ADGRL3: variants seen among roughly 807,000 people sequenced by gnomAD.
The protein encoded by ADGRL3 is adhesion G protein-coupled receptor L3.
Under a neutral mutation model 153.5 loss-of-function variants are expected in ADGRL3, and 62 were observed. That is an observed-to-expected ratio of 0.40 (90% CI 0.33 to 0.50). The LOEUF is 0.50. Ranked by LOEUF, ADGRL3 falls within the 20% of genes least tolerant of loss-of-function variation. The pLI, the probability that ADGRL3 is intolerant of heterozygous loss-of-function variation, is 0.47. For synonymous variants in ADGRL3, 710 were observed against 672.5 expected (o/e 1.06, Z -0.86); for missense variants, 1,641 against 1,859.4 (o/e 0.88, Z 2.16).
At chr4:62,021,816 T>C in intron 21 of ADGRL3, among the ~76,000 whole-genome samples, 1 of 152,142 alleles carries the variant, frequency 6.6e-6, no homozygotes, top group South Asian at 2.1e-4. Context: ...ACTTAGTCAA[T>C]AAATGTGTGT....
intron 1 of ADGRL3, among the ~76,000 whole-genome samples, chr4:61,214,402 T>C (rs758249639): frequency 1.4e-4 from 21 of 152,244 alleles, no homozygotes; most frequent in Admixed American, 2.6e-4. Flanking sequence ...ATAAAACTTT[T>C]TCTTTACCGT....
chr4:61,253,390 C>T (rs1324880486), intron 1 of ADGRL3, among the ~76,000 whole-genome samples: 1 of 152,128 alleles, frequency 6.6e-6, no homozygotes, highest in Non-Finnish European at 1.5e-5. Context: ...TTGACTGTCT[C>T]AAACCTTTAG....
At chr4:61,719,284 G>C (rs2096188968) in intron 6 of ADGRL3, among the ~76,000 whole-genome samples, 1 of 151,898 alleles carries the variant, frequency 6.6e-6, no homozygotes, top group African/African-American at 2.4e-5. Context: ...CAATACTACA[G>C]AACTAAATCC....
intron 13 of ADGRL3, among the ~76,000 whole-genome samples, chr4:61,920,924 A>G (rs1320396436): frequency 6.6e-6 from 1 of 152,160 alleles, no homozygotes; most frequent in Non-Finnish European, 1.5e-5. Flanking sequence ...TGTGTCTAAC[A>G]CAAGAGGGAT....
intron 1 of ADGRL3, among the ~76,000 whole-genome samples, chr4:61,249,527 A>C (rs867899900): frequency 1.1e-4 from 16 of 148,630 alleles, no homozygotes; most frequent in African/African-American, 4.0e-4. Flanking sequence ...TACCTCATCT[A>C]CATTCCATAT....
At chr4:61,337,500 C>T (rs1304461454) in intron 1 of ADGRL3, among the ~76,000 whole-genome samples, 1 of 152,132 alleles carries the variant, frequency 6.6e-6, no homozygotes. Context: ...CCATTTCCTG[C>T]CCTTCTCAGG....
At chr4:61,224,009 T>C (rs1051436278) in intron 1 of ADGRL3, among the ~76,000 whole-genome samples, 1 of 152,130 alleles carries the variant, frequency 6.6e-6, no homozygotes, top group African/African-American at 2.4e-5. Context: ...AAATTAGAAA[T>C]TTTTTGAAAT....
At chr4:62,045,824 TTAAAA>T (rs1730835845) in intron 25 of ADGRL3, among the ~76,000 whole-genome samples, 1 of 152,010 alleles carries the variant, frequency 6.6e-6, no homozygotes, top group Non-Finnish European at 1.5e-5. Context: ...AGAAAACGTA[TTAAAA>T]TAAAAGAGCT....
chr4:61,746,448 T>C (rs1243309493), intron 8 of ADGRL3, among the ~76,000 whole-genome samples: 1 of 152,062 alleles, frequency 6.6e-6, no homozygotes, highest in Non-Finnish European at 1.5e-5. Context: ...ACTGACCACA[T>C]AGTTGGAAGT....
intron 1 of ADGRL3, among the ~76,000 whole-genome samples, chr4:61,291,993 C>T (rs1024189281): frequency 6.7e-6 from 1 of 150,310 alleles, no homozygotes; most frequent in Non-Finnish European, 1.5e-5. Flanking sequence ...TTTAAAAAGT[C>T]ATGGCATTTT....
At chr4:61,932,653 G>C (rs1286857242) in intron 13 of ADGRL3, among the ~76,000 whole-genome samples, 1 of 152,076 alleles carries the variant, frequency 6.6e-6, no homozygotes, top group East Asian at 1.9e-4. Context: ...TCTAAGTCTG[G>C]CTTTGGTGTC....
chr4:61,894,587 T>G (rs1054285864), intron 10 of ADGRL3, among the ~76,000 whole-genome samples: 5 of 152,144 alleles, frequency 3.3e-5, no homozygotes, highest in African/African-American at 7.2e-5. Context: ...GTGAAACACT[T>G]TATTTGAAAG....
intron 5 of ADGRL3, among the ~76,000 whole-genome samples, chr4:61,639,710 G>C (rs191094991): frequency 8.5e-5 from 13 of 152,248 alleles, no homozygotes; most frequent in African/African-American, 3.1e-4. Flanking sequence ...TTTTTAAATT[G>C]TAGTCTCAGT....
chr4:61,360,898 T>A (rs1578427437), intron 1 of ADGRL3, among the ~76,000 whole-genome samples: 1 of 152,310 alleles, frequency 6.6e-6, no homozygotes, highest in East Asian at 1.9e-4. Flanking sequence ...AGTAAGCATG[T>A]GTCTGTGTTG....
At chr4:61,534,229 C>G (rs763621961) in intron 4 of ADGRL3, among the ~76,000 whole-genome samples, 8 of 152,080 alleles carry the variant, frequency 5.3e-5, no homozygotes, top group African/African-American at 1.2e-4. Context: ...TTATTTTTGT[C>G]AGCTTTGTCA....
At chr4:62,044,320 A>G in intron 24 of ADGRL3, 133 bp from the exon 25 acceptor site, 2 of 646,290 alleles carry the variant, frequency 3.1e-6, no homozygotes, top group Admixed American at 2.7e-5. Flanking sequence ...TGTACTGCAA[A>G]CATGTAGTTG....
At chr4:61,457,152 T>A (rs2097764227) in intron 2 of ADGRL3, among the ~76,000 whole-genome samples, 1 of 152,016 alleles carries the variant, frequency 6.6e-6, no homozygotes, top group Non-Finnish European at 1.5e-5. Context: ...CTCCGTTTAT[T>A]AAAACATGAT....
intron 1 of ADGRL3, among the ~76,000 whole-genome samples, chr4:61,270,930 CATA>C (rs1441374341): frequency 6.6e-6 from 1 of 151,686 alleles, no homozygotes; most frequent in Non-Finnish European, 1.5e-5. Context: ...AACTCTGTCT[CATA>C]ATAAGCTGAG....
chr4:61,627,074 TAACC>T, intron 5 of ADGRL3, among the ~76,000 whole-genome samples: 1 of 152,284 alleles, frequency 6.6e-6, no homozygotes, highest in Non-Finnish European at 1.5e-5. Context: ...TAAATTAAAA[TAACC>T]CTCTACCCTT....
Sources: gnomAD v4.1 joint callset for allele counts (sites outside exome capture counted in the v4.1 genomes callset) on GRCh38, gnomAD v4.1.1 for gene constraint, MANE v1.5 for transcripts, NCBI Gene and HGNC (gene_info 2026-07-23, HGNC 2026-07-21) for gene names.